The following GABRG3 variants were observed in gnomAD, a reference collection of about 807,000 sequenced individuals.
GABRG3 encodes the protein gamma-aminobutyric acid type A receptor subunit gamma3.
A neutral mutation model predicts 48.8 loss-of-function variants in GABRG3; 25 were observed. The ratio of observed to expected loss-of-function variants is 0.51; its 90% CI spans 0.37 to 0.72. The LOEUF (loss-of-function observed/expected upper bound fraction) is 0.72. Ranked by LOEUF, GABRG3 falls within the 30% of genes least tolerant of loss-of-function variation. The pLI is 0.00. For synonymous variants in GABRG3, 227 were observed against 217.6 expected (o/e 1.04, Z -0.38); for missense variants, 394 against 577.9 (o/e 0.68, Z 3.26).
rs538728230 is a variant in GABRG3, at chr15:27,179,590, A to G, written c.271-147219A>G. Among the ~76,000 whole-genome samples, 7 of 152,276 alleles carry G rather than the reference A, an allele frequency of 4.6e-5. No individual in the cohort carries two copies. In the South Asian group the frequency reaches 1.0e-3, roughly 23 times the overall value. Reference sequence around the variant, plus strand: ...CCCAAGTGAGCAGTTTCCAGTTTCAAATTGTTCAGAATTCACTCATTTCCA... The same window carrying G: ...CCCAAGTGAGCAGTTTCCAGTTTCAGATTGTTCAGAATTCACTCATTTCCA... On this transcript the variant is annotated intron_variant, in intron 3 of 9. Coordinates refer to ENST00000615808, the MANE Select transcript of GABRG3 (RefSeq NM_033223.5). The surrounding 1 kb of genome is among the most constrained non-coding windows in gnomAD (Gnocchi z 4.0).
intron 5 of GABRG3, among the ~76,000 whole-genome samples, chr15:27,332,365 T>G (rs1467680228): frequency 6.6e-6 from 1 of 152,034 alleles, no homozygotes; most frequent in Non-Finnish European, 1.5e-5. Context: ...AATACAAAAA[T>G]TAGCCGGGCA....
chr15:27,529,626 C>T (rs192683529), intron 9 of GABRG3, among the ~76,000 whole-genome samples: 12 of 151,446 alleles, frequency 7.9e-5, no homozygotes, highest in African/African-American at 2.2e-4. Context: ...TCTTCCAGAA[C>T]GTTAGTGGGC....
chr15:27,369,101 C>T (rs963797161), intron 5 of GABRG3, among the ~76,000 whole-genome samples: 11 of 152,166 alleles, frequency 7.2e-5, no homozygotes, highest in South Asian at 4.1e-4. Flanking sequence ...TATTAAAATG[C>T]ACTAAGCAAC....
intron 3 of GABRG3, among the ~76,000 whole-genome samples, chr15:27,033,300 T>G (rs777127274): frequency 6.6e-6 from 1 of 152,166 alleles, no homozygotes; most frequent in Non-Finnish European, 1.5e-5. Context: ...TGTTTTGGCT[T>G]CTTCAGATGG....
intron 3 of GABRG3, among the ~76,000 whole-genome samples, chr15:27,124,768 T>A (rs1357843286): frequency 6.6e-6 from 1 of 152,232 alleles, no homozygotes; most frequent in Non-Finnish European, 1.5e-5. Context: ...GCTTGTTGCC[T>A]CAGGCAAGGC....
At chr15:27,234,488 G>A (rs775637194) in intron 3 of GABRG3, among the ~76,000 whole-genome samples, 2 of 152,214 alleles carry the variant, frequency 1.3e-5, no homozygotes, top group Non-Finnish European at 2.9e-5. Context: ...AGCAGGTCCT[G>A]TAAGCTCAGC....
chr15:27,504,229 T>C (rs1890710341), intron 6 of GABRG3, among the ~76,000 whole-genome samples: 1 of 152,104 alleles, frequency 6.6e-6, no homozygotes, highest in African/African-American at 2.4e-5. Flanking sequence ...ATTTCTCCTC[T>C]TTTTCTCATC....
At chr15:27,218,637 C>T (rs1223631885) in intron 3 of GABRG3, among the ~76,000 whole-genome samples, 5 of 152,172 alleles carry the variant, frequency 3.3e-5, no homozygotes, top group Non-Finnish European at 5.9e-5. Flanking sequence ...TGCCTCCTGT[C>T]CCTGCTGAGG....
At chr15:27,286,693 AAG>A (rs1230651092) in intron 3 of GABRG3, among the ~76,000 whole-genome samples, 1 of 152,212 alleles carries the variant, frequency 6.6e-6, no homozygotes, top group African/African-American at 2.4e-5. Context: ...GCTTTTAGAA[AAG>A]AAGTTTTGAA....
In GABRG3 at chr15:27,535,102, G is replaced by A. The variant is rs1327502468; in HGVS notation, c.*2221G>A. On this transcript the variant is annotated 3_prime_UTR_variant, in exon 10 of 10. Coordinates refer to ENST00000615808, the MANE Select transcript of GABRG3 (RefSeq NM_033223.5). ...TATTCTGCAAGGACCCTGACCAAAG[G>A]AATCCAAGTCACACCACAGCACTGA... The A allele has an allele frequency of 6.6e-6, 1 of 152,158 alleles. No individual in the cohort carries two copies. The highest frequency in any genetic ancestry group is 6.5e-5 in the Admixed American group (1 of 15,274). The allele number at this position is 152,158 out of a possible 1,614,324, so 9.4% of individuals were successfully genotyped here.
intron 3 of GABRG3, among the ~76,000 whole-genome samples, chr15:27,096,714 C>T (rs1014227896): frequency 6.6e-6 from 1 of 152,082 alleles, no homozygotes; most frequent in Admixed American, 6.6e-5. Context: ...GAAAAGGGAC[C>T]AGTTTTGGAT....
Position 27,105,220 on chromosome 15 carries a change from C to A in GABRG3, c.270+78399C>A, listed in dbSNP as rs1392119225. 3.9e-5 allele frequency among the ~76,000 whole-genome samples: 6 copies of A among 152,102 alleles called. No individual in the cohort carries two copies. In the East Asian group the frequency reaches 9.6e-4, roughly 24 times the overall value. On this transcript the variant is annotated intron_variant, in intron 3 of 9. Coordinates refer to ENST00000615808, the MANE Select transcript of GABRG3 (RefSeq NM_033223.5). ...TTACATAATGATAAAAGGATCGATT[C>A]ACCAGGAAGACATGATGATCCTAAA...
intron 3 of GABRG3, among the ~76,000 whole-genome samples, chr15:27,116,054 C>G (rs1035063347): frequency 6.6e-6 from 1 of 152,104 alleles, no homozygotes; most frequent in Non-Finnish European, 1.5e-5. Context: ...GGGGAAACAT[C>G]AGGGTTAAAG....
intron 3 of GABRG3, among the ~76,000 whole-genome samples, chr15:27,059,846 G>C (rs1896615719): frequency 6.6e-6 from 1 of 152,184 alleles, no homozygotes; most frequent in Admixed American, 6.5e-5. Flanking sequence ...TCACCAGGGA[G>C]CTGGGAGTGC....
chr15:27,219,647 A>G (rs1290552649), intron 3 of GABRG3, among the ~76,000 whole-genome samples: 3 of 152,146 alleles, frequency 2.0e-5, no homozygotes, highest in Admixed American at 1.3e-4. Context: ...GACAGCGCCC[A>G]ACCTCCCAGC....
At chr15:27,267,192 C>T (rs1361731911) in intron 3 of GABRG3, among the ~76,000 whole-genome samples, 1 of 150,498 alleles carries the variant, frequency 6.6e-6, no homozygotes, top group Non-Finnish European at 1.5e-5. Context: ...CTGCAACCTC[C>T]TCCTCCTGGG....
At chr15:27,016,071 A>G (rs73367722) in intron 2 of GABRG3, among the ~76,000 whole-genome samples, 7,471 of 152,024 alleles carry the variant, frequency 0.049, 603 homozygotes, top group African/African-American at 0.17. Flanking sequence ...TTTAAATTCT[A>G]TACCTGATTT....
chr15:27,464,526 T>C (rs147487945), intron 5 of GABRG3, among the ~76,000 whole-genome samples: 1 of 152,334 alleles, frequency 6.6e-6, no homozygotes, highest in East Asian at 1.9e-4. Context: ...GCATTTAATA[T>C]TTTAGAGAAC....
At chr15:27,333,718 C>G (rs1161669037) in intron 5 of GABRG3, among the ~76,000 whole-genome samples, 1 of 152,140 alleles carries the variant, frequency 6.6e-6, no homozygotes, top group African/African-American at 2.4e-5. Flanking sequence ...CAGAGCATTC[C>G]AAGACCTGGG....
Sources: gnomAD v4.1 joint callset for allele counts (sites outside exome capture counted in the v4.1 genomes callset) on GRCh38, gnomAD v4.1.1 for gene constraint, Gnocchi (gnomAD v3.1) non-coding constraint, MANE v1.5 for transcripts, NCBI Gene and HGNC (gene_info 2026-07-23, HGNC 2026-07-21) for gene names.